The following NFKBIA variants were observed in gnomAD, a reference collection of about 807,000 sequenced individuals.
NFKBIA encodes the protein NFKB inhibitor alpha, also known as NF-kappa-B inhibitor alpha.
A neutral mutation model predicts 36.3 loss-of-function variants in NFKBIA; 10 were observed. That is an observed-to-expected ratio of 0.28 (90% CI 0.17 to 0.47). NFKBIA has a LOEUF of 0.47. Ranked by LOEUF, NFKBIA falls within the 20% of genes least tolerant of loss-of-function variation. The pLI is 0.99. For synonymous variants in NFKBIA, 205 were observed against 164.4 expected, an observed-to-expected ratio of 1.25 and a Z score of -1.89; for missense variants, 355 against 399.3, an observed-to-expected ratio of 0.89 and a Z score of 0.94.
rs2052727214 is a variant in NFKBIA, at chr14:35,401,684, C to T, written c.*329G>A. ...CTGGCTGTTACATGTCACAGGATAC[C>T]ACTGGGGTCAGTCACTCGAAGCACA... On this transcript the variant is annotated 3_prime_UTR_variant, in exon 6 of 6. Coordinates refer to ENST00000216797, the MANE Select transcript of NFKBIA (RefSeq NM_020529.3). The T allele has an allele frequency of 1.4e-5, 6 of 443,990 alleles. No individual in the cohort carries two copies. The Admixed American group carries it at 1.9e-4, about 14-fold the overall frequency. 27.5% of individuals were successfully genotyped at this position (443,990 alleles called of 1,614,324 possible). A position where few individuals can be genotyped will look rare whatever the true frequency, so the allele number is the denominator to read the frequency against.
chr14:35,402,380 GT>G lies in NFKBIA; in HGVS notation c.906+13del, dbSNP rs965141856. ...CCTCATTAGTTAGAGCGCCGAAGGA[GT>G]TCACAGACTCACCTCGTCCTCTGTG... On this transcript the variant is annotated intron_variant, in intron 5 of 5. Coordinates refer to ENST00000216797, the MANE Select transcript of NFKBIA (RefSeq NM_020529.3). 1.2e-6 allele frequency: 2 copies of G among 1,614,120 alleles called. No homozygotes were observed. Among genetic ancestry groups the G allele is most frequent in the Non-Finnish European group, 1.7e-6 (2 of 1,180,002 alleles).
intron 1 of NFKBIA, 33 bp downstream of exon 1, chr14:35,404,385 G>A (rs2052766107): frequency 8.6e-6 from 3 of 347,180 alleles, no homozygotes; most frequent in South Asian, 2.4e-5. Flanking sequence ...CCGCCCTCCC[G>A]ACGACCCCCA....
chr14:35,403,073 T>C, intron 3 of NFKBIA, 77 bp downstream of exon 3: 1 of 1,530,750 alleles, frequency 6.5e-7, no homozygotes, highest in Non-Finnish European at 9.0e-7. Flanking sequence ...CCTGGACTCC[T>C]TAAGTTGGCC....
chr14:35,404,609 G>A lies in NFKBIA; in HGVS notation c.36C>T (p.Ala12=), dbSNP rs776559937. 1 of 1,561,450 alleles carries A rather than the reference G, an allele frequency of 6.4e-7. No individual in the cohort carries two copies. Among genetic ancestry groups the A allele is most frequent in the South Asian group, 1.2e-5 (1 of 84,910 alleles). The change falls in exon 1 of 6, where the codon GCC becomes GCT. Residue 12 remains alanine, a synonymous_variant. Transcript: ENST00000216797. The part of the protein sequence containing the change: ...FQAAERPQEW[A]MEGPRDGLKK... Reference sequence around the variant, plus strand: ...TCAGCCCGTCGCGGGGGCCCTCCATGGCCCACTCCTGGGGGCGCTCGGCCG... The same window carrying A: ...TCAGCCCGTCGCGGGGGCCCTCCATAGCCCACTCCTGGGGGCGCTCGGCCG...
At chr14:35,404,166 G>C in intron 1 of NFKBIA, 2 of 342,006 alleles carry the variant, frequency 5.8e-6, no homozygotes, top group Non-Finnish European at 1.1e-5. Context: ...ACGGGTCTGG[G>C]GGGAGGGGGC....
intron 5 of NFKBIA, 140 bp from the exon 6 acceptor site, chr14:35,402,200 G>C (rs577014872): frequency 3.4e-5 from 26 of 770,518 alleles, no homozygotes; most frequent in Non-Finnish European, 5.1e-5. Flanking sequence ...TACAGGCTGA[G>C]AGAGTTTGCC....
chr14:35,404,351 T>TC, intron 1 of NFKBIA, 67 bp downstream of exon 1: 53 of 1,049,872 alleles, frequency 5.0e-5, no homozygotes, highest in Non-Finnish European at 5.3e-5. Context: ...GCCCGGCGCC[T>TC]CCCACCCCCA....
chr14:35,402,357 T>C, intron 5 of NFKBIA, 37 bp downstream of exon 5: 1 of 1,613,316 alleles, frequency 6.2e-7, no homozygotes, highest in South Asian at 1.1e-5. Context: ...GAATGGCACC[T>C]CATTAGTTAG....
At chr14:35,404,106 G>A (rs900750589) in intron 1 of NFKBIA, 2 of 417,866 alleles carry the variant, frequency 4.8e-6, no homozygotes, top group Non-Finnish European at 4.3e-6. Context: ...CCCGCCTTAT[G>A]CAACCGGGGA....
In NFKBIA at chr14:35,401,902, G is replaced by A. The variant is rs540995241; in HGVS notation, c.*111C>T. The stretch of plus-strand genomic sequence containing the variant: ...CGTTTTGGGCCAGGCAGTGTGCAGT[G>A]TGGATATAAGTACACCCTTTAAATT... On this transcript the variant is annotated 3_prime_UTR_variant, in exon 6 of 6. Coordinates refer to ENST00000216797, the MANE Select transcript of NFKBIA (RefSeq NM_020529.3). 109 of 1,212,620 alleles carry A rather than the reference G, an allele frequency of 9.0e-5. No individual in the cohort carries two copies. The East Asian group carries it at 2.7e-3, about 30-fold the overall frequency. 75.1% of individuals were successfully genotyped at this position (1,212,620 alleles called of 1,614,324 possible).
At chr14:35,402,129 G>A in intron 5 of NFKBIA, 69 bp from the exon 6 acceptor site, 2 of 1,574,966 alleles carry the variant, frequency 1.3e-6, no homozygotes, top group Non-Finnish European at 1.7e-6. Context: ...CCGGGATGGG[G>A]AGGCCACTAC....
intron 2 of NFKBIA, 52 bp from the exon 3 acceptor site, chr14:35,403,412 C>T: frequency 6.3e-7 from 1 of 1,586,818 alleles, no homozygotes; most frequent in Non-Finnish European, 8.6e-7. Context: ...AAACCCACAC[C>T]CCGAGTTCCC....
chr14:35,402,266 T>C, intron 5 of NFKBIA, 128 bp downstream of exon 5: 1 of 1,294,552 alleles, frequency 7.7e-7, no homozygotes, highest in Admixed American at 1.7e-5. Context: ...GGGATACTGG[T>C]TATGCACAGA....
chr14:35,404,368 G>C (rs748716450), intron 1 of NFKBIA, 50 bp downstream of exon 1: 69 of 655,650 alleles, frequency 1.1e-4, no homozygotes, highest in African/African-American at 1.0e-3. Flanking sequence ...CCCAGGCCGC[G>C]CGCGTCCCGC....
At chr14:35,402,926 T>C in intron 3 of NFKBIA, 67 bp from the exon 4 acceptor site, 2 of 1,478,870 alleles carry the variant, frequency 1.4e-6, no homozygotes, top group East Asian at 2.3e-5. Flanking sequence ...CCTATTCTTT[T>C]ATGGAACAAG....
rs143798499 is a variant in NFKBIA, at chr14:35,404,459, G to A, written c.186C>T (p.Gly62=). The change falls in exon 1 of 6, where the codon GGC becomes GGT. Residue 62 remains glycine, a synonymous_variant. Transcript: ENST00000216797. The part of the protein sequence containing the change: ...IRLEPQEVPR[G]SEPWKQQLTE... ...TGAGCTGCTGCTTCCAGGGCTCCGA[G>A]CCGCGCGGCACCTCCTGCGGCTCGA... The A allele has an allele frequency of 7.2e-5, 115 of 1,593,898 alleles. No homozygotes were observed. Among genetic ancestry groups the A allele is most frequent in the Admixed American group, 3.5e-5 (2 of 57,904 alleles).
Position 35,402,132 on chromosome 14 carries a change from G to C in NFKBIA, c.907-72C>G. 4 of 1,557,986 alleles carry C rather than the reference G, an allele frequency of 2.6e-6. No homozygotes were observed. In the Admixed American group the frequency reaches 6.7e-5, roughly 26 times the overall value. On this transcript the variant is annotated intron_variant, in intron 5 of 5. Coordinates refer to ENST00000216797, the MANE Select transcript of NFKBIA (RefSeq NM_020529.3). ...TCTGCCAAGCTACCGGGATGGGGAG[G>C]CCACTACTGGAAATAACTCTTGGAC... is the stretch of plus-strand genomic sequence containing the variant.
In NFKBIA at chr14:35,402,839, C is replaced by A. The variant is rs2138831219; in HGVS notation, c.568G>T (p.Ala190Ser). 1 of 1,614,170 alleles carries A rather than the reference C, an allele frequency of 6.2e-7. No individual in the cohort carries two copies. The highest frequency in any genetic ancestry group is 8.5e-7 in the Non-Finnish European group (1 of 1,180,032). The change falls in exon 4 of 6, where the codon GCC becomes TCC. Residue 190 changes from alanine to serine, a missense_variant. Coordinates refer to ENST00000216797, the MANE Select transcript of NFKBIA (RefSeq NM_020529.3). ...ATGCCCAGGTAGCCATGGATAGAGG[C>A]TAAGTGTAGACACGTGTGGCCTGGA... ...NYNGHTCLHL[A>S]SIHGYLGIVE... is the part of the protein sequence containing the mutation.
Position 35,403,755 on chromosome 14 carries a change from T to C in NFKBIA, c.271A>G (p.Met91Val). 6.2e-7 allele frequency: 1 copy of C among 1,614,024 alleles called. No homozygotes were observed. The highest frequency in any genetic ancestry group is 1.3e-5 in the African/African-American group (1 of 75,038). The change falls in exon 2 of 6, where the codon ATG becomes GTG. Residue 91 changes from methionine (M) to valine (V), a missense_variant. By Grantham distance (21) the Met-to-Val change is conservative (BLOSUM62 1). Coordinates refer to ENST00000216797, the MANE Select transcript of NFKBIA (RefSeq NM_020529.3). ...AIIHEEKALT[M>V]EVIRQVKGDL... is the part of the protein sequence containing the mutation. ...CCCTTCACCTGGCGGATCACTTCCA[T>C]GGTCAGTGCCTTTTCTTCATGGATG...
Sources: gnomAD v4.1 joint callset for allele counts on GRCh38, gnomAD v4.1.1 for gene constraint, MANE v1.5 for transcripts, NCBI Gene and HGNC (gene_info 2026-07-23, HGNC 2026-07-21) for gene names.